The following FREM2 variants were observed in gnomAD, a reference collection of about 807,000 sequenced individuals.
FREM2 encodes the protein FRAS1 related extracellular matrix 2.
FREM2 carries 119 observed loss-of-function variants against 219.9 expected under a neutral mutation model. The ratio of observed to expected loss-of-function variants is 0.54; its 90% confidence interval spans 0.47 to 0.63. FREM2 has a LOEUF of 0.63. Ranked by LOEUF, FREM2 falls within the 30% of genes least tolerant of loss-of-function variation. FREM2 has a pLI of 0.00. For missense variants in FREM2, 4,030 were observed against 3,993.6 expected, an observed-to-expected ratio of 1.01 and a Z score of -0.25; for synonymous variants, 1,562 against 1,522.8, an observed-to-expected ratio of 1.03 and a Z score of -0.60.
chr13:38,874,050 A>G (rs1373550387), intron 17 of FREM2, among the ~76,000 whole-genome samples: 1 of 152,204 alleles, frequency 6.6e-6, no homozygotes, highest in East Asian at 1.9e-4. Flanking sequence ...ATTTTATCAA[A>G]CTGCTAAATT....
intron 2 of FREM2, among the ~76,000 whole-genome samples, chr13:38,699,918 G>A (rs1049784891): frequency 4.6e-5 from 7 of 152,022 alleles, no homozygotes; most frequent in Non-Finnish European, 1.0e-4. Flanking sequence ...TACAATGATA[G>A]TAGGCATATC....
intron 2 of FREM2, among the ~76,000 whole-genome samples, chr13:38,738,232 A>G (rs1006958739): frequency 1.3e-5 from 2 of 152,140 alleles, no homozygotes; most frequent in African/African-American, 4.8e-5. Flanking sequence ...TGAAAATTTC[A>G]GGTGCTGGCG....
intron 6 of FREM2, among the ~76,000 whole-genome samples, chr13:38,842,384 A>G (rs764152863): frequency 2.0e-5 from 3 of 152,110 alleles, no homozygotes; most frequent in South Asian, 2.1e-4. Context: ...CTACAGCTGG[A>G]TTAGTGGAAA....
rs748066181 is a variant in FREM2, at chr13:38,872,723, T to G, written c.7984-19T>G. On this transcript the variant is annotated intron_variant, in intron 16 of 23. Coordinates refer to ENST00000280481, the MANE Select transcript of FREM2 (RefSeq NM_207361.6). ...GTTAACACTGAGTCATGTTGATTGA[T>G]GTAATTTTGTTGTTTTAGGTCCTAA... The G allele has an allele frequency of 1.4e-5, 22 of 1,607,756 alleles. No individual in the cohort carries two copies. Among genetic ancestry groups the G allele is most frequent in the Non-Finnish European group, 1.8e-5 (21 of 1,174,422 alleles).
chr13:38,737,507 C>A (rs1328101160), intron 2 of FREM2, among the ~76,000 whole-genome samples: 1 of 152,144 alleles, frequency 6.6e-6, no homozygotes, highest in Non-Finnish European at 1.5e-5. Context: ...AGGTACATAC[C>A]AGTTCTAAAG....
chr13:38,828,645 A>G (rs1012862407), intron 6 of FREM2, among the ~76,000 whole-genome samples: 2 of 152,074 alleles, frequency 1.3e-5, no homozygotes, highest in Non-Finnish European at 2.9e-5. Context: ...CAAAGATTCC[A>G]GTTTATAGTG....
At position 38,877,172 on chromosome 13, in the gene FREM2, C is replaced by T. The variant is rs141835500; in HGVS notation, c.8600C>T (p.Ser2867Phe). 11 of 1,613,924 alleles carry T rather than the reference C, an allele frequency of 6.8e-6. No homozygotes were observed. In the African/African-American group the frequency reaches 1.2e-4, roughly 18 times the overall value. The change falls in exon 21 of 24, where the codon TCT (serine) becomes TTT (phenylalanine). Residue 2867 changes from serine (S) to phenylalanine (F), a missense_variant. Ser to Phe is a radical substitution (Grantham distance 155). This residue lies in a region of FREM2 where 928 missense variants were observed against 1,042.9 expected (regional missense o/e 0.89). Transcript: ENST00000280481. ...FSLNTQMYLL[S>F]KKSLWLSDGS... ...TTGAACACCCAAATGTACCTGCTCT[C>T]TAAGAAGAGTCTCTGGTTGTCTGAT... is the stretch of plus-strand genomic sequence containing the variant.
At chr13:38,699,703 G>A (rs187449057) in intron 2 of FREM2, among the ~76,000 whole-genome samples, 1 of 152,028 alleles carries the variant, frequency 6.6e-6, no homozygotes, top group Non-Finnish European at 1.5e-5. Flanking sequence ...TAATTCCCCT[G>A]ATATAAGAAA....
At chr13:38,860,532 A>T (rs1877723654) in intron 14 of FREM2, among the ~76,000 whole-genome samples, 1 of 152,242 alleles carries the variant, frequency 6.6e-6, no homozygotes, top group African/African-American at 2.4e-5. Flanking sequence ...TATATTCAGG[A>T]TCAAATATTT....
intron 2 of FREM2, among the ~76,000 whole-genome samples, chr13:38,710,024 C>G (rs988892089): frequency 7.1e-6 from 1 of 141,532 alleles, no homozygotes; most frequent in South Asian, 2.1e-4. Context: ...CACACACACA[C>G]ACACACACAC....
intron 6 of FREM2, among the ~76,000 whole-genome samples, chr13:38,839,330 G>A (rs939718891): frequency 2.6e-5 from 4 of 152,286 alleles, no homozygotes; most frequent in African/African-American, 9.6e-5. Flanking sequence ...TCCTTCCTCT[G>A]GAAGCTTCAT....
At chr13:38,861,280 C>A in intron 14 of FREM2, 151 bp from the exon 15 acceptor site, 1 of 747,014 alleles carries the variant, frequency 1.3e-6, no homozygotes, top group Non-Finnish European at 2.2e-6. Flanking sequence ...CTTCTAATTC[C>A]TTATCACGTG....
chr13:38,766,691 T>C lies in FREM2; in HGVS notation c.5410+2241T>C, dbSNP rs139423425. On this transcript the variant is annotated intron_variant, in intron 3 of 23. Transcript: ENST00000280481. ...TATTCTCAAAGATTATTATTCATTTTATAACCACTAAAACTAATAAACTAG... is the reference window on the plus strand; with the variant it reads ...TATTCTCAAAGATTATTATTCATTTCATAACCACTAAAACTAATAAACTAG... Among the ~76,000 whole-genome samples the C allele has an allele frequency of 6.3e-3, 956 of 152,350 alleles. 9 individuals are homozygous for C. Among genetic ancestry groups the C allele is most frequent in the African/African-American group, 0.021 (880 of 41,576 alleles).
chr13:38,687,139 G>C lies in FREM2; in HGVS notation c.-206G>C, dbSNP rs1200216318. 1.5e-6 allele frequency: 1 copy of C among 647,854 alleles called. No homozygotes were observed. The highest frequency in any genetic ancestry group is 2.6e-6 in the Non-Finnish European group (1 of 377,686). The allele number at this position is 647,854 out of a possible 1,614,324, so 40.1% of individuals were successfully genotyped here. On this transcript the variant is annotated 5_prime_UTR_variant, in exon 1 of 24. Transcript: ENST00000280481. Reference sequence around the variant, plus strand: ...GCTAGCGGCGGAGCTGGACGGCCTGGGAAGGCTTCGGCTCCTCGGCTGCGG... The same window carrying C: ...GCTAGCGGCGGAGCTGGACGGCCTGCGAAGGCTTCGGCTCCTCGGCTGCGG...
intron 1 of FREM2, among the ~76,000 whole-genome samples, chr13:38,693,438 AC>A (rs1291463213): frequency 1.3e-5 from 2 of 152,216 alleles, no homozygotes; most frequent in Non-Finnish European, 2.9e-5. Flanking sequence ...TTGTGGGTGG[AC>A]ACAATCTGAG....
intron 7 of FREM2, among the ~76,000 whole-genome samples, chr13:38,848,181 A>G (rs1877233443): frequency 6.6e-6 from 1 of 152,234 alleles, no homozygotes. Context: ...AGAATTTTCA[A>G]ACTAAAGTTA....
chr13:38,774,198 CTTCTCTT>C (rs1460130456), intron 4 of FREM2, among the ~76,000 whole-genome samples: 4 of 152,122 alleles, frequency 2.6e-5, no homozygotes, highest in Non-Finnish European at 1.5e-5. Flanking sequence ...GTCTTATGCT[CTTCTCTT>C]TTCTCTTTCT....
At chr13:38,728,508 T>C (rs1014891105) in intron 2 of FREM2, among the ~76,000 whole-genome samples, 26 of 151,562 alleles carry the variant, frequency 1.7e-4, no homozygotes, top group African/African-American at 6.1e-4. Flanking sequence ...CATACACAAG[T>C]GATCCTCTAA....
At chr13:38,817,259 C>G (rs1408716643) in intron 6 of FREM2, among the ~76,000 whole-genome samples, 1 of 152,036 alleles carries the variant, frequency 6.6e-6, no homozygotes, top group Non-Finnish European at 1.5e-5. Flanking sequence ...CCAAAGCAAT[C>G]CTGTGCAAAA....
Sources: allele counts gnomAD v4.1 joint callset (sites outside exome capture counted in the v4.1 genomes callset), GRCh38; gene constraint gnomAD v4.1.1; regional missense constraint gnomAD v4.1.1; transcripts MANE v1.5; gene names NCBI Gene and HGNC (gene_info 2026-07-23, HGNC 2026-07-21).